TRRAP: variants seen among roughly 807,000 people sequenced by gnomAD.
TRRAP encodes the protein transformation/transcription domain associated protein.
TRRAP carries 41 observed loss-of-function variants against 438.8 expected under a neutral mutation model. The observed-to-expected ratio is 0.09, with a 90% CI of 0.07 to 0.12. The LOEUF is 0.12. Ranked by LOEUF, TRRAP falls within the 10% of genes least tolerant of loss-of-function variation. TRRAP has a pLI of 1.00. For missense variants in TRRAP, 3,122 were observed against 5,055.1 expected, an observed-to-expected ratio of 0.62 and a Z score of 11.60; for synonymous variants, 1,994 against 1,962.9, an observed-to-expected ratio of 1.02 and a Z score of -0.42.
At chr7:98,961,836 T>G (rs928795823) in intron 46 of TRRAP, among the ~76,000 whole-genome samples, 1 of 152,126 alleles carries the variant, frequency 6.6e-6, no homozygotes, top group African/African-American at 2.4e-5. Flanking sequence ...GGAGAATCGC[T>G]TGAACCCAGG....
rs782707707 is a variant in TRRAP at position 98,900,684 on chromosome 7, A to G, written c.861A>G (p.Thr287=). Residue 287 remains threonine (T), a synonymous_variant, in exon 11 of 73, where the codon ACA becomes ACG. Transcript: ENST00000456197. ...YADFIAAQIK[T]LSFLAYIIRI... ...ACTTCATTGCTGCTCAGATTAAAAC[A>G]TTGTCATTTTTAGCTTACATTATCA... 6.2e-6 allele frequency: 10 copies of G among 1,613,484 alleles called. No homozygotes were observed. The highest frequency in any genetic ancestry group is 1.1e-5 in the South Asian group (1 of 90,966).
At chr7:98,944,775 G>A (rs1181184185) in intron 31 of TRRAP, among the ~76,000 whole-genome samples, 1 of 152,108 alleles carries the variant, frequency 6.6e-6, no homozygotes, top group African/African-American at 2.4e-5. Context: ...ATGCTAGATC[G>A]TTGACTAAAG....
In TRRAP at chr7:98,976,404, G is replaced by T; in HGVS notation, c.7960-79G>T. 4 of 1,571,906 alleles carry T rather than the reference G, an allele frequency of 2.5e-6. No homozygotes were observed. The highest frequency in any genetic ancestry group is 3.4e-6 in the Non-Finnish European group (4 of 1,161,834). ...GCTGTCACTCGAGCGAATTAGGAAA[G>T]GTATTCTTGCATCGAGAGAGACAGC... On this transcript the variant is annotated intron_variant, in intron 54 of 72. Transcript: ENST00000456197. This position sits in a 1 kb window ranked among gnomAD's most constrained non-coding sequence, Gnocchi z 4.6.
chr7:99,009,003 G>A (rs546176078), intron 70 of TRRAP, among the ~76,000 whole-genome samples: 1 of 152,168 alleles, frequency 6.6e-6, no homozygotes, highest in East Asian at 1.9e-4. Flanking sequence ...CATGTGTGCT[G>A]TTTTCTAAAA....
intron 52 of TRRAP, 77 bp downstream of exon 52, chr7:98,970,368 G>A (rs973930199): frequency 4.6e-6 from 7 of 1,533,262 alleles, no homozygotes; most frequent in East Asian, 2.3e-5. Context: ...ATCCCAGAGA[G>A]GAGGTGAGAC....
intron 12 of TRRAP, 133 bp downstream of exon 12, chr7:98,903,650 A>G: frequency 3.1e-6 from 4 of 1,300,536 alleles, no homozygotes; most frequent in Non-Finnish European, 4.2e-6. Context: ...TCTTGGGTTC[A>G]TTCTTTCCCC....
Position 98,950,116 on chromosome 7 carries a change from G to T in TRRAP, c.5188G>T (p.Gly1730Cys). ...GTTCCAGCTGCTCCGAGCCTTTACT[G>T]GTCGTTTTCTCTGCAACATGACATT... ...LLFQLLRAFT[G>C]RFLCNMTFLK... is the part of the protein sequence containing the mutation. Residue 1730 changes from glycine (G) to cysteine (C), a missense_variant, in exon 38 of 73, where the codon GGT becomes TGT. Transcript: ENST00000456197. 3.1e-6 allele frequency: 5 copies of T among 1,614,224 alleles called. No individual in the cohort carries two copies. Among genetic ancestry groups the T allele is most frequent in the Non-Finnish European group, 4.2e-6 (5 of 1,180,040 alleles).
chr7:98,982,707 C>T (rs1584390743), intron 59 of TRRAP, among the ~76,000 whole-genome samples: 1 of 152,090 alleles, frequency 6.6e-6, no homozygotes, highest in Non-Finnish European at 1.5e-5. Context: ...GTGCCAACAG[C>T]GCATCTGGAA....
intron 67 of TRRAP, among the ~76,000 whole-genome samples, chr7:99,002,411 G>T (rs1412358233): frequency 2.6e-5 from 4 of 152,244 alleles, no homozygotes; most frequent in Admixed American, 6.5e-5. Context: ...AGAGGGTTAG[G>T]AGTACATGGG....
At position 98,994,337 on chromosome 7, in the gene TRRAP, C is replaced by T. The variant is rs1170405076; in HGVS notation, c.10048-250C>T. On this transcript the variant is annotated intron_variant, in intron 66 of 72. Coordinates refer to ENST00000456197, the MANE Select transcript of TRRAP (RefSeq NM_001375524.1). This position sits in a 1 kb window ranked among gnomAD's most constrained non-coding sequence, Gnocchi z 4.8. The stretch of plus-strand genomic sequence containing the variant: ...GGGTGTATGATCCAAAAAAGTGGGG[C>T]TTTTCTGTTTTCGCTTTTTGAATGT... Among the ~76,000 whole-genome samples, 1 of 152,140 alleles carries T rather than the reference C, an allele frequency of 6.6e-6. No individual in the cohort carries two copies. The highest frequency in any genetic ancestry group is 1.9e-4 in the East Asian group (1 of 5,192).
At chr7:98,903,049 C>A (rs146991956) in intron 11 of TRRAP, among the ~76,000 whole-genome samples, 1 of 151,720 alleles carries the variant, frequency 6.6e-6, no homozygotes, top group African/African-American at 2.4e-5. Context: ...TTTTTGGAGA[C>A]GAGTCTCACT....
rs1554408559 is a variant in TRRAP, at chr7:98,910,501, CTT to C, written c.1715-6_1715-5del. On this transcript the variant is annotated splice_polypyrimidine_tract_variant and splice_region_variant and intron_variant, in intron 15 of 72. Transcript: ENST00000456197. ...TTCAAGTTAACTTAATATACTTTCTCTTTTCCAGAAGCTCAGTTCATTCCCAA... is the reference window on the plus strand; with the variant it reads ...TTCAAGTTAACTTAATATACTTTCTCTTCCAGAAGCTCAGTTCATTCCCAA... 1 of 1,613,910 alleles carries C rather than the reference CTT, an allele frequency of 6.2e-7. No individual in the cohort carries two copies. Among genetic ancestry groups the C allele is most frequent in the South Asian group, 1.1e-5 (1 of 91,064 alleles).
At chr7:98,999,645 G>A (rs1310983039) in intron 67 of TRRAP, 10 of 924,218 alleles carry the variant, frequency 1.1e-5, no homozygotes, top group Admixed American at 2.1e-5. Flanking sequence ...ACAGCAATTT[G>A]CCACTAAGTG....
intron 44 of TRRAP, among the ~76,000 whole-genome samples, chr7:98,958,493 T>A (rs1349538122): frequency 6.6e-6 from 1 of 152,100 alleles, no homozygotes; most frequent in African/African-American, 2.4e-5. Context: ...AGAGATGGGG[T>A]TTCACCATGT....
At chr7:98,993,362 C>T (rs564277526) in intron 65 of TRRAP, among the ~76,000 whole-genome samples, 176 bp from the exon 66 acceptor site, 7 of 152,376 alleles carry the variant, frequency 4.6e-5, no homozygotes, top group African/African-American at 1.4e-4. Context: ...CGTCCCTCAG[C>T]GCACCTGCGC....
At position 98,927,284 on chromosome 7, in the gene TRRAP, T is replaced by A. The variant is rs1187165148; in HGVS notation, c.3093T>A (p.Ile1031=). The A allele has an allele frequency of 2.5e-6, 4 of 1,614,108 alleles. No homozygotes were observed. In the African/African-American group the frequency reaches 5.3e-5, roughly 22 times the overall value. ...CAGGCGCCTTCATGTCTGCTGTCAT[T>A]AAGGACCTGCGGCCCAGCGCCCTGC... The part of the protein sequence containing the change: ...ALTGAFMSAV[I]KDLRPSALPF... The change falls in exon 23 of 73, where the codon ATT becomes ATA. Residue 1031 remains isoleucine, a synonymous_variant. Transcript: ENST00000456197.
intron 31 of TRRAP, among the ~76,000 whole-genome samples, chr7:98,945,351 T>A (rs1791000743): frequency 6.6e-6 from 1 of 152,248 alleles, no homozygotes; most frequent in Admixed American, 6.5e-5. Flanking sequence ...CTCTTCTGAC[T>A]GTAGCCGGGA....
intron 52 of TRRAP, among the ~76,000 whole-genome samples, chr7:98,971,409 G>A (rs1003555001): frequency 3.3e-5 from 5 of 152,226 alleles, no homozygotes; most frequent in African/African-American, 4.8e-5. Flanking sequence ...AACATGCTCC[G>A]CCGTGGCCCT....
chr7:98,929,745 C>T (rs1790235164), intron 23 of TRRAP, among the ~76,000 whole-genome samples: 1 of 152,126 alleles, frequency 6.6e-6, no homozygotes. Flanking sequence ...AGGCGCCTGC[C>T]ACCATGCCTG....
Sources: allele counts gnomAD v4.1 joint callset (sites outside exome capture counted in the v4.1 genomes callset), GRCh38; gene constraint gnomAD v4.1.1; non-coding constraint Gnocchi (gnomAD v3.1); transcripts MANE v1.5; gene names NCBI Gene and HGNC (gene_info 2026-07-23, HGNC 2026-07-21).